The following CDA variants were observed in gnomAD, a reference collection of about 807,000 sequenced individuals.
The protein encoded by CDA is cytidine deaminase.
Under a neutral mutation model 15.0 loss-of-function variants are expected in CDA, and 7 were observed. The observed-to-expected ratio is 0.47, with a 90% CI of 0.26 to 0.87. The LOEUF is 0.87. CDA is among the 40% of genes least tolerant of loss of function. The pLI is 0.15. For missense variants in CDA, 159 were observed against 182.7 expected, an observed-to-expected ratio of 0.87 and a Z score of 0.75; for synonymous variants, 58 against 73.0, an observed-to-expected ratio of 0.79 and a Z score of 1.05.
intron 1 of CDA, among the ~76,000 whole-genome samples, chr1:20,598,486 AG>A (rs2052609319): frequency 6.6e-6 from 1 of 152,268 alleles, no homozygotes; most frequent in South Asian, 2.1e-4. Context: ...ACGTTACAGC[AG>A]CACAAAACGG....
intron 1 of CDA, among the ~76,000 whole-genome samples, chr1:20,604,391 T>G (rs966093804): frequency 6.6e-6 from 1 of 152,206 alleles, no homozygotes; most frequent in Non-Finnish European, 1.5e-5. Context: ...GGCAGTTCTC[T>G]GGTTTTATAA....
chr1:20,599,783 C>A (rs1266529743), intron 1 of CDA, among the ~76,000 whole-genome samples: 3 of 152,176 alleles, frequency 2.0e-5, no homozygotes, highest in Non-Finnish European at 4.4e-5. Context: ...GATTTTTATG[C>A]AATTGATAAC....
In CDA at chr1:20,589,120, G is replaced by T. The variant is rs1409688429; in HGVS notation, c.-10G>T. ...TTCCCGCTGCTCTGCTGCCTGCCCG[G>T]GGTACCAACATGGCCCAGAAGCGTC... On this transcript the variant is annotated 5_prime_UTR_variant, in exon 1 of 4. Transcript: ENST00000375071. 1.2e-6 allele frequency: 2 copies of T among 1,614,052 alleles called. No individual in the cohort carries two copies. The highest frequency in any genetic ancestry group is 4.5e-5 in the East Asian group (2 of 44,878).
At chr1:20,614,720 C>T (rs748270785) in intron 3 of CDA, among the ~76,000 whole-genome samples, 34 of 152,194 alleles carry the variant, frequency 2.2e-4, no homozygotes, top group Middle Eastern at 6.8e-3. Context: ...AAGAAGGCCA[C>T]GAGGGCTAGA....
At chr1:20,616,418 C>G (rs1175148828) in intron 3 of CDA, among the ~76,000 whole-genome samples, 1 of 152,148 alleles carries the variant, frequency 6.6e-6, no homozygotes, top group African/African-American at 2.4e-5. Context: ...CCTCCTGCTT[C>G]CTGCCAGGAG....
intron 2 of CDA, among the ~76,000 whole-genome samples, chr1:20,608,303 A>G (rs1689924): frequency 0.5 from 76,092 of 152,024 alleles, 19,118 homozygotes; most frequent in Middle Eastern, 0.52. Context: ...CATCTGTGAA[A>G]TGGAGGAGAC....
At chr1:20,613,429 T>A (rs901133098) in intron 2 of CDA, among the ~76,000 whole-genome samples, 2 of 152,196 alleles carry the variant, frequency 1.3e-5, no homozygotes, top group African/African-American at 2.4e-5. Flanking sequence ...GGTCTCGAAC[T>A]CCTGCCCTCA....
chr1:20,596,373 G>C lies in CDA; in HGVS notation c.154+7090G>C, dbSNP rs568550096. On this transcript the variant is annotated intron_variant, in intron 1 of 3. Coordinates refer to ENST00000375071, the MANE Select transcript of CDA (RefSeq NM_001785.3). ...CAGCCTCAGCAGCTCCTGGGAACTT[G>C]TGAAAATTTGAAATTTTTGAGCTCC... Among the ~76,000 whole-genome samples the C allele has an allele frequency of 5.9e-5, 9 of 152,178 alleles. No homozygotes were observed. The South Asian group carries it at 1.9e-3, about 32-fold the overall frequency.
Position 20,596,853 on chromosome 1 carries a change from C to T in CDA, c.154+7570C>T, listed in dbSNP as rs2052595682. 2.7e-5 allele frequency among the ~76,000 whole-genome samples: 4 copies of T among 150,936 alleles called. No individual in the cohort carries two copies. The Admixed American group carries it at 2.7e-4, about 10-fold the overall frequency. ...TCAGCTCACTGCAGCCTCGACCTTC[C>T]TGGCTCAGGCGATCCTCCCACCTTA... On this transcript the variant is annotated intron_variant, in intron 1 of 3. Coordinates refer to ENST00000375071, the MANE Select transcript of CDA (RefSeq NM_001785.3).
At position 20,597,400 on chromosome 1, in the gene CDA, C is replaced by T. The variant is rs142937441; in HGVS notation, c.155-7528C>T. ...AGCTTGCAGTGAGCCAGGATCGTGA[C>T]ACTGCACTCCAGGCTGGGCGACAGA... On this transcript the variant is annotated intron_variant, in intron 1 of 3. Transcript: ENST00000375071. Among the ~76,000 whole-genome samples, 1,149 of 152,306 alleles carry T rather than the reference C, an allele frequency of 7.5e-3. 10 individuals carry two copies. Among genetic ancestry groups the T allele is most frequent in the African/African-American group, 0.026 (1,088 of 41,564 alleles).
intron 2 of CDA, among the ~76,000 whole-genome samples, chr1:20,612,311 T>C (rs879779169): frequency 6.6e-6 from 1 of 152,152 alleles, no homozygotes; most frequent in Non-Finnish European, 1.5e-5. Context: ...GAGCCCAAGC[T>C]AAGCGGTCTT....
chr1:20,618,762 C>A lies in CDA; in HGVS notation c.*194C>A. 1 of 588,496 alleles carries A rather than the reference C, an allele frequency of 1.7e-6. No individual in the cohort carries two copies. The highest frequency in any genetic ancestry group is 3.1e-6 in the Non-Finnish European group (1 of 323,518). The allele number at this position is 588,496 out of a possible 1,614,324, so 36.5% of individuals were successfully genotyped here. A position where few individuals can be genotyped will look rare whatever the true frequency, so the allele number is the denominator to read the frequency against. On this transcript the variant is annotated 3_prime_UTR_variant, in exon 4 of 4. Coordinates refer to ENST00000375071, the MANE Select transcript of CDA (RefSeq NM_001785.3). ...CCTTGGGACTTAGAACACCGCCGCC[C>A]CCTGCCCCACCTTTCCTTTCCTTCC...
At chr1:20,615,900 TG>T (rs1434944709) in intron 3 of CDA, among the ~76,000 whole-genome samples, 1 of 152,096 alleles carries the variant, frequency 6.6e-6, no homozygotes, top group Non-Finnish European at 1.5e-5. Flanking sequence ...CTCCAGAGGC[TG>T]AGGTAGGAGG....
At chr1:20,615,181 G>A (rs2052790702) in intron 3 of CDA, among the ~76,000 whole-genome samples, 1 of 151,976 alleles carries the variant, frequency 6.6e-6, no homozygotes, top group African/African-American at 2.4e-5. Context: ...CTTAAACATG[G>A]TTAAAATGGC....
chr1:20,615,734 C>T (rs1286489951), intron 3 of CDA, among the ~76,000 whole-genome samples: 1 of 151,642 alleles, frequency 6.6e-6, no homozygotes, highest in Non-Finnish European at 1.5e-5. Context: ...GGCATGATGG[C>T]TTACACCTGT....
At chr1:20,606,574 T>A (rs11579101) in intron 2 of CDA, among the ~76,000 whole-genome samples, 55,228 of 151,722 alleles carry the variant, frequency 0.36, 10,410 homozygotes, top group South Asian at 0.47. Context: ...GATGCTAGGA[T>A]CCTGAATGAG....
intron 1 of CDA, among the ~76,000 whole-genome samples, chr1:20,604,366 C>A (rs1018904231): frequency 6.6e-6 from 1 of 152,158 alleles, no homozygotes; most frequent in Non-Finnish European, 1.5e-5. Flanking sequence ...TGTCCTCATG[C>A]GGCAGATGGG....
At chr1:20,604,798 T>G (rs1163232960) in intron 1 of CDA, 130 bp from the exon 2 acceptor site, 1 of 714,884 alleles carries the variant, frequency 1.4e-6, no homozygotes, top group Non-Finnish European at 2.6e-6. Context: ...CTAATTGCCC[T>G]GTCCTTCTCC....
chr1:20,596,988 C>T (rs2052596865), intron 1 of CDA, among the ~76,000 whole-genome samples: 1 of 152,076 alleles, frequency 6.6e-6, no homozygotes, highest in Non-Finnish European at 1.5e-5. Context: ...TCTCGAACTC[C>T]TGGACTCAAA....
Sources: allele counts gnomAD v4.1 joint callset (sites outside exome capture counted in the v4.1 genomes callset), GRCh38; gene constraint gnomAD v4.1.1; transcripts MANE v1.5; gene names NCBI Gene and HGNC (gene_info 2026-07-23, HGNC 2026-07-21).